The following PDE12 variants were observed in gnomAD, a reference collection of about 807,000 sequenced individuals.
PDE12 encodes the protein phosphodiesterase 12, also known as 2',5'-phosphodiesterase 12.
A neutral mutation model predicts 45.4 loss-of-function variants in PDE12; 26 were observed. The ratio of observed to expected loss-of-function variants is 0.57; its 90% CI spans 0.42 to 0.79. The LOEUF (loss-of-function observed/expected upper bound fraction) is 0.79. Among genes scored for constraint, PDE12 ranks in the 30% least tolerant of loss-of-function variants. The pLI, the probability that PDE12 is intolerant of heterozygous loss-of-function variation, is 0.00. For missense variants in PDE12, 668 were observed against 790.0 expected (o/e 0.85, Z 1.85); for synonymous variants, 283 against 323.9 (o/e 0.87, Z 1.36).
the PDE12 span, chr3:57,572,348 C>T: frequency 1.3e-5 from 18 of 1,352,634 alleles, no homozygotes; most frequent in East Asian, 2.3e-5. Context: ...TAATATATAA[C>T]ACCAGTGTTT....
chr3:57,559,484 G>A, intron 2 of PDE12, 78 bp from the exon 3 acceptor site: 1 of 1,554,556 alleles, frequency 6.4e-7, no homozygotes, highest in Non-Finnish European at 8.8e-7. Flanking sequence ...CCCAGAGACT[G>A]TAATTTGTGT....
At chr3:57,582,713 T>A in the PDE12 span, among the ~76,000 whole-genome samples, 1 of 151,728 alleles carries the variant, frequency 6.6e-6, no homozygotes, top group Non-Finnish European at 1.5e-5. Context: ...TTGCAAGTCT[T>A]AAAAATATAA....
chr3:57,558,658 T>C (rs2069692445), intron 1 of PDE12, among the ~76,000 whole-genome samples: 1 of 151,832 alleles, frequency 6.6e-6, no homozygotes, highest in Non-Finnish European at 1.5e-5. Context: ...GCCCGGCTAA[T>C]TTTTTTAGTA....
chr3:57,617,883 AAC>A, the PDE12 span, among the ~76,000 whole-genome samples: 2 of 152,132 alleles, frequency 1.3e-5, no homozygotes, highest in East Asian at 1.9e-4. Context: ...AAAAAAAAAA[AAC>A]AAAAAAACCA....
At chr3:57,650,785 AT>A in the PDE12 span, among the ~76,000 whole-genome samples, 216 of 142,990 alleles carry the variant, frequency 1.5e-3, no homozygotes, top group African/African-American at 4.6e-3. Context: ...TCCACATGGA[AT>A]TTTTTTTTTT....
At chr3:57,631,896 G>C in the PDE12 span, among the ~76,000 whole-genome samples, 1 of 149,920 alleles carries the variant, frequency 6.7e-6, no homozygotes, top group Non-Finnish European at 1.5e-5. Context: ...CTAATTTTTT[G>C]TATTTTTAGT....
chr3:57,559,458 C>T, intron 2 of PDE12, 70 bp downstream of exon 2: 1 of 1,566,470 alleles, frequency 6.4e-7, no homozygotes, highest in Non-Finnish European at 8.8e-7. Context: ...TACACAAATG[C>T]ATATCTTGAA....
chr3:57,591,598 CT>C, the PDE12 span, among the ~76,000 whole-genome samples: 1 of 151,944 alleles, frequency 6.6e-6, no homozygotes, highest in African/African-American at 2.4e-5. Flanking sequence ...TCCTGAGTTG[CT>C]GGGACTACAG....
At chr3:57,631,847 C>A in the PDE12 span, among the ~76,000 whole-genome samples, 1 of 145,380 alleles carries the variant, frequency 6.9e-6, no homozygotes, top group Non-Finnish European at 1.5e-5. Context: ...CTCAGCCTCC[C>A]GAGTAGCTGG....
chr3:57,640,283 A>C, the PDE12 span, among the ~76,000 whole-genome samples: 3 of 147,298 alleles, frequency 2.0e-5, no homozygotes, highest in Admixed American at 6.8e-5. Context: ...AAAAAAAACA[A>C]AAAAAAACAA....
chr3:57,629,087 AATTGTCTCAT>A, the PDE12 span, among the ~76,000 whole-genome samples: 1 of 152,226 alleles, frequency 6.6e-6, no homozygotes, highest in East Asian at 1.9e-4. Context: ...TAGCCAGAAT[AATTGTCTCAT>A]ATTTGGAAGT....
At chr3:57,605,883 TTAAAC>T in the PDE12 span, among the ~76,000 whole-genome samples, 3 of 151,986 alleles carry the variant, frequency 2.0e-5, no homozygotes, top group South Asian at 4.2e-4. Context: ...TAACAGTAGA[TTAAAC>T]TACACAGAAG....
intron 1 of PDE12, among the ~76,000 whole-genome samples, chr3:57,558,647 C>T (rs1156828706): frequency 1.3e-5 from 2 of 151,924 alleles, no homozygotes; most frequent in Admixed American, 6.6e-5. Context: ...CGTGCCACCA[C>T]GCCCGGCTAA....
the PDE12 span, among the ~76,000 whole-genome samples, chr3:57,591,431 C>T: frequency 0.016 from 2,397 of 150,694 alleles, 60 homozygotes; most frequent in African/African-American, 0.055. Context: ...TACTAATATA[C>T]GCTATAATAT....
At chr3:57,600,286 A>G in the PDE12 span, 1 of 152,042 alleles carries the variant, frequency 6.6e-6, no homozygotes, top group East Asian at 1.9e-4. Flanking sequence ...TGGCCTCCCA[A>G]AGTACTGGGA....
At chr3:57,642,102 T>G in the PDE12 span, among the ~76,000 whole-genome samples, 2 of 151,714 alleles carry the variant, frequency 1.3e-5, no homozygotes, top group Non-Finnish European at 1.5e-5. Flanking sequence ...ATCACGAGGT[T>G]AGGAGTTCGA....
the PDE12 span, among the ~76,000 whole-genome samples, chr3:57,596,436 T>G: frequency 3.0e-4 from 46 of 152,256 alleles, no homozygotes; most frequent in East Asian, 8.7e-3. Context: ...AAGCTCAGTT[T>G]TCGGAGAATG....
chr3:57,637,766 C>A, the PDE12 span, among the ~76,000 whole-genome samples: 123 of 109,316 alleles, frequency 1.1e-3, no homozygotes, highest in African/African-American at 3.1e-3. Flanking sequence ...AATAAGACTT[C>A]AAAAAAAAAA....
the PDE12 span, among the ~76,000 whole-genome samples, chr3:57,618,518 CTCAA>C: frequency 6.6e-6 from 1 of 151,240 alleles, no homozygotes; most frequent in African/African-American, 2.4e-5. Context: ...ACCTCCCAGG[CTCAA>C]TCAATCCTCC....
Sources: allele counts gnomAD v4.1 joint callset (sites outside exome capture counted in the v4.1 genomes callset), GRCh38; gene constraint gnomAD v4.1.1; transcripts MANE v1.5; gene names NCBI Gene and HGNC (gene_info 2026-07-23, HGNC 2026-07-21).